DIAPH2: variants seen among roughly 807,000 people sequenced by gnomAD.
DIAPH2 encodes the protein diaphanous related formin 2, also known as protein diaphanous homolog 2.
Under a neutral mutation model 92.7 loss-of-function variants are expected in DIAPH2, and 35 were observed. That is an observed-to-expected ratio of 0.38 (90% CI 0.29 to 0.50). The LOEUF is 0.50. DIAPH2 is among the 20% of genes least tolerant of loss of function. DIAPH2 has a pLI of 0.94. For synonymous variants in DIAPH2, 301 were observed against 280.4 expected, an observed-to-expected ratio of 1.07 and a Z score of -0.73; for missense variants, 701 against 819.5, an observed-to-expected ratio of 0.86 and a Z score of 1.77.
At chrX:97,333,331 C>A (rs1019873292) in intron 23 of DIAPH2, among the ~76,000 whole-genome samples, 1 of 111,318 alleles carries the variant, frequency 9.0e-6, no homozygotes, top group African/African-American at 3.3e-5. Context: ...TTTCACTATC[C>A]CAGTATTTCA....
intron 22 of DIAPH2, among the ~76,000 whole-genome samples, chrX:97,150,088 T>G (rs562908493): frequency 7.2e-5 from 8 of 111,632 alleles, no homozygotes; most frequent in African/African-American, 2.6e-4. Context: ...TAATACATTA[T>G]TATTGACTAT....
chrX:97,531,194 T>C (rs1300483848), intron 26 of DIAPH2, among the ~76,000 whole-genome samples: 1 of 111,728 alleles, frequency 9.0e-6, no homozygotes, highest in East Asian at 2.8e-4. Context: ...GTTGTATTGT[T>C]CTCCTTCCGT....
chrX:97,198,870 C>T (rs1455463892), intron 22 of DIAPH2, among the ~76,000 whole-genome samples: 5 of 111,498 alleles, frequency 4.5e-5, no homozygotes, highest in Non-Finnish European at 9.4e-5. Flanking sequence ...TCCCCTCATA[C>T]TTTGACAGCA....
chrX:97,172,907 C>T (rs983836818), intron 22 of DIAPH2, among the ~76,000 whole-genome samples: 1 of 111,919 alleles, frequency 8.9e-6, no homozygotes, highest in Non-Finnish European at 1.9e-5. Flanking sequence ...TCTAGAAACT[C>T]TCTGTCTCTG....
chrX:96,931,051 C>T (rs760302535), intron 10 of DIAPH2, among the ~76,000 whole-genome samples: 35 of 111,636 alleles, frequency 3.1e-4, no homozygotes, highest in East Asian at 8.4e-4. Flanking sequence ...TACCCAGAAG[C>T]GATGTGTTTT....
intron 4 of DIAPH2, among the ~76,000 whole-genome samples, chrX:96,811,801 C>T (rs756318313): frequency 9.0e-5 from 10 of 111,686 alleles, no homozygotes; most frequent in Admixed American, 3.8e-4. Context: ...GTCTTTGGTT[C>T]TGTTTATATG....
intron 1 of DIAPH2, among the ~76,000 whole-genome samples, chrX:96,735,050 A>G (rs2064078116): frequency 9.0e-6 from 1 of 111,589 alleles, no homozygotes; most frequent in Non-Finnish European, 1.9e-5. Context: ...CTTATCATAC[A>G]TTATTGTAAG....
chrX:97,068,444 G>A (rs1040336958), intron 17 of DIAPH2, among the ~76,000 whole-genome samples: 1 of 111,413 alleles, frequency 9.0e-6, no homozygotes, highest in Non-Finnish European at 1.9e-5. Flanking sequence ...TATTGCATAT[G>A]TATTTATCTA....
chrX:96,825,895 T>C (rs16982221), intron 4 of DIAPH2, among the ~76,000 whole-genome samples: 2,715 of 111,428 alleles, frequency 0.024, 79 homozygotes, highest in African/African-American at 0.084. Flanking sequence ...CTACATCCTA[T>C]CTCTGAACTC....
At chrX:97,038,874 T>A (rs2066429733) in intron 17 of DIAPH2, among the ~76,000 whole-genome samples, 1 of 111,889 alleles carries the variant, frequency 8.9e-6, no homozygotes, top group African/African-American at 3.2e-5. Flanking sequence ...ATTTAGATTG[T>A]TTCAAATTAT....
At chrX:97,161,227 G>T (rs2067370067) in intron 22 of DIAPH2, among the ~76,000 whole-genome samples, 1 of 109,536 alleles carries the variant, frequency 9.1e-6, no homozygotes, top group South Asian at 3.9e-4. Flanking sequence ...CATGACTTAT[G>T]TGAGCCTTAC....
At chrX:96,801,005 G>C (rs1198072550) in intron 4 of DIAPH2, among the ~76,000 whole-genome samples, 1 of 112,127 alleles carries the variant, frequency 8.9e-6, no homozygotes, top group African/African-American at 3.2e-5. Context: ...CTTTGGTAAA[G>C]GAATGTTTTA....
At chrX:97,560,569 T>G (rs923091528) in intron 26 of DIAPH2, among the ~76,000 whole-genome samples, 7 of 111,901 alleles carry the variant, frequency 6.3e-5, no homozygotes, top group East Asian at 5.6e-4. Context: ...CTCGGCTCAC[T>G]GCAGCCTCTA....
At chrX:96,739,119 A>C (rs1339437249) in intron 3 of DIAPH2, among the ~76,000 whole-genome samples, 2 of 111,294 alleles carry the variant, frequency 1.8e-5, no homozygotes, top group Non-Finnish European at 3.8e-5. Flanking sequence ...TGAAAACATC[A>C]CAAGGTCTCT....
chrX:97,206,796 G>A (rs907148164), intron 22 of DIAPH2, among the ~76,000 whole-genome samples: 1 of 111,458 alleles, frequency 9.0e-6, no homozygotes, highest in Non-Finnish European at 1.9e-5. Context: ...CTATCAAGGG[G>A]CAGGCAATGC....
At chrX:97,147,064 G>C (rs923672653) in intron 22 of DIAPH2, among the ~76,000 whole-genome samples, 1 of 111,457 alleles carries the variant, frequency 9.0e-6, no homozygotes, top group Non-Finnish European at 1.9e-5. Flanking sequence ...AGGGAGGAAA[G>C]TAGGCAAGGT....
rs1458098718 is a variant in DIAPH2, at chrX:97,162,843, C to G, written c.2719+21049C>G. The stretch of plus-strand genomic sequence containing the variant: ...TGATCTATTCATTCTTTTTTTTCCC[C>G]GTCTATTTCTTGCTTTATGGTGCCC... On this transcript the variant is annotated intron_variant, in intron 22 of 26. Coordinates refer to ENST00000324765, the MANE Select transcript of DIAPH2 (RefSeq NM_006729.5). Among the ~76,000 whole-genome samples, 2 of 111,074 alleles carry G rather than the reference C, an allele frequency of 1.8e-5. 1 individual carries two copies. The highest frequency in any genetic ancestry group is 1.9e-4 in the Admixed American group (2 of 10,414).
chrX:97,004,130 C>A (rs2066163368), intron 17 of DIAPH2, among the ~76,000 whole-genome samples: 1 of 111,541 alleles, frequency 9.0e-6, no homozygotes, highest in Non-Finnish European at 1.9e-5. Flanking sequence ...GTTCTCTATT[C>A]TGTTCCATTT....
intron 21 of DIAPH2, among the ~76,000 whole-genome samples, chrX:97,141,219 G>T (rs2067206814): frequency 9.0e-6 from 1 of 110,776 alleles, no homozygotes; most frequent in Non-Finnish European, 1.9e-5. Flanking sequence ...GATAAAATGT[G>T]CTTGCTCCTT....
Sources: gnomAD v4.1 joint callset for allele counts (sites outside exome capture counted in the v4.1 genomes callset) on GRCh38, gnomAD v4.1.1 for gene constraint, MANE v1.5 for transcripts, NCBI Gene and HGNC (gene_info 2026-07-23, HGNC 2026-07-21) for gene names.